The following MECOM variants were observed in gnomAD, a reference collection of about 807,000 sequenced individuals.
MECOM encodes MDS1 and EVI1 complex locus.
MECOM carries 13 observed loss-of-function variants against 116.3 expected under a neutral mutation model. The ratio of observed to expected loss-of-function variants is 0.11; its 90% CI spans 0.07 to 0.18. The LOEUF is 0.18. Ranked by LOEUF, MECOM falls within the 10% of genes least tolerant of loss-of-function variation. The pLI, the probability that MECOM is intolerant of heterozygous loss-of-function variation, is 1.00. For missense variants in MECOM, 1,299 were observed against 1,509.0 expected (o/e 0.86, Z 2.31); for synonymous variants, 528 against 535.2 (o/e 0.99, Z 0.19).
chr3:169,413,611 G>A (rs1425585198), intron 1 of MECOM, among the ~76,000 whole-genome samples: 1 of 151,982 alleles, frequency 6.6e-6, no homozygotes, highest in Non-Finnish European at 1.5e-5. Flanking sequence ...CCAACTCCAT[G>A]GAGCATAGCA....
intron 2 of MECOM, among the ~76,000 whole-genome samples, chr3:169,338,153 G>C (rs1723886605): frequency 6.6e-6 from 1 of 152,106 alleles, no homozygotes; most frequent in Non-Finnish European, 1.5e-5. Flanking sequence ...CTCAGGATCG[G>C]AGGCTCTTAA....
chr3:169,640,953 C>A (rs888801649), intron 1 of MECOM, among the ~76,000 whole-genome samples: 1 of 152,206 alleles, frequency 6.6e-6, no homozygotes, highest in East Asian at 1.9e-4. Context: ...TCAATGCATT[C>A]TCCCACAGAG....
At chr3:169,539,407 T>C (rs1206276541) in intron 1 of MECOM, among the ~76,000 whole-genome samples, 3 of 152,234 alleles carry the variant, frequency 2.0e-5, no homozygotes, top group African/African-American at 4.8e-5. Flanking sequence ...CTCTGCCTTA[T>C]GTTTTAGAGT....
chr3:169,621,214 T>C (rs1038749285), intron 1 of MECOM, among the ~76,000 whole-genome samples: 2 of 152,220 alleles, frequency 1.3e-5, no homozygotes, highest in Admixed American at 1.3e-4. Flanking sequence ...ATTTCACATT[T>C]CTTAACCTCT....
In MECOM at chr3:169,663,702, A is replaced by C; in HGVS notation, c.-330T>G. The C allele has an allele frequency of 2.8e-6, 1 of 353,666 alleles. No individual in the cohort carries two copies. Among genetic ancestry groups the C allele is most frequent in the Non-Finnish European group, 5.1e-6 (1 of 197,474 alleles). The allele number at this position is 353,666 out of a possible 1,614,324, so 21.9% of individuals were successfully genotyped here. On this transcript the variant is annotated 5_prime_UTR_variant, in exon 1 of 17. Coordinates refer to ENST00000651503, the MANE Select transcript of MECOM (RefSeq NM_004991.4). ...GCACATGCGCGCTAGACGCCCCTCC[A>C]ACATCTCAGCGCCGCCAAAAAAAGT...
chr3:169,622,266 A>G (rs1032238568), intron 1 of MECOM, among the ~76,000 whole-genome samples: 2 of 151,850 alleles, frequency 1.3e-5, no homozygotes, highest in Admixed American at 1.3e-4. Flanking sequence ...ATTTTTTTGT[A>G]TTTTTAGTAG....
intron 2 of MECOM, among the ~76,000 whole-genome samples, chr3:169,281,281 C>T (rs1711935398): frequency 6.6e-6 from 1 of 152,166 alleles, no homozygotes; most frequent in African/African-American, 2.4e-5. Context: ...GAGGAAGTAT[C>T]TCTGGGTGTA....
At chr3:169,172,039 G>T (rs1281238374) in intron 2 of MECOM, among the ~76,000 whole-genome samples, 1 of 151,926 alleles carries the variant, frequency 6.6e-6, no homozygotes, top group Non-Finnish European at 1.5e-5. Context: ...AGGCAATACT[G>T]ATGTAGAAAG....
At position 169,476,139 on chromosome 3, in the gene MECOM, A is replaced by G. The variant is rs531241129; in HGVS notation, c.38-94615T>C. ...AAAGGGAAACATATATATAGTATTA[A>G]CTCTGCCAGCCTTCAACCACCACAA... On this transcript the variant is annotated intron_variant, in intron 1 of 16. Coordinates refer to ENST00000651503, the MANE Select transcript of MECOM (RefSeq NM_004991.4). Among the ~76,000 whole-genome samples, 99 of 152,220 alleles carry G rather than the reference A, an allele frequency of 6.5e-4. 1 individual carries two copies. The highest frequency in any genetic ancestry group is 2.3e-3 in the African/African-American group (95 of 41,542).
intron 2 of MECOM, chr3:169,147,017 T>G: frequency 2.0e-6 from 2 of 991,836 alleles, no homozygotes; most frequent in Non-Finnish European, 2.4e-6. Context: ...AGAAATGAAG[T>G]CTTCTTTCGT....
At chr3:169,097,817 T>TATAAAACAAAAAAAAAAAA (rs1553818439) in intron 12 of MECOM, among the ~76,000 whole-genome samples, 1 of 87,194 alleles carries the variant, frequency 1.1e-5, no homozygotes, top group East Asian at 5.0e-4. Context: ...ACTGTCTATA[T>TATAAAACAAAAAAAAAAAA]AAAAAAAAAA....
At chr3:169,371,235 A>G (rs1028998477) in intron 2 of MECOM, among the ~76,000 whole-genome samples, 1 of 152,016 alleles carries the variant, frequency 6.6e-6, no homozygotes, top group Non-Finnish European at 1.5e-5. Flanking sequence ...GGAGGATATT[A>G]TGCTAAGTGA....
chr3:169,547,845 C>T (rs1260110394), intron 1 of MECOM, among the ~76,000 whole-genome samples: 1 of 152,046 alleles, frequency 6.6e-6, no homozygotes, highest in East Asian at 1.9e-4. Context: ...AGGAGTCATG[C>T]AGCCACAAGC....
At chr3:169,476,010 G>A (rs1750319860) in intron 1 of MECOM, among the ~76,000 whole-genome samples, 1 of 152,184 alleles carries the variant, frequency 6.6e-6, no homozygotes, top group Non-Finnish European at 1.5e-5. Context: ...ACTTTTCGCA[G>A]CTTTGTTCTC....
chr3:169,307,714 T>C (rs1033835411), intron 2 of MECOM, among the ~76,000 whole-genome samples: 9 of 152,152 alleles, frequency 5.9e-5, no homozygotes, highest in South Asian at 2.1e-4. Flanking sequence ...ACAAATAGTA[T>C]AAAAAGATAA....
intron 2 of MECOM, among the ~76,000 whole-genome samples, chr3:169,148,112 A>C (rs1740462291): frequency 6.6e-6 from 1 of 152,124 alleles, no homozygotes; most frequent in East Asian, 1.9e-4. Flanking sequence ...TTTTCAAACC[A>C]TATTTTTCTT....
intron 2 of MECOM, among the ~76,000 whole-genome samples, chr3:169,257,034 G>GA (rs1756954252): frequency 6.6e-6 from 1 of 152,202 alleles, no homozygotes; most frequent in African/African-American, 2.4e-5. Flanking sequence ...ATGGATGTAA[G>GA]AAAAACAACT....
intron 2 of MECOM, among the ~76,000 whole-genome samples, chr3:169,259,154 G>A (rs766452935): frequency 6.6e-6 from 1 of 152,106 alleles, no homozygotes; most frequent in African/African-American, 2.4e-5. Flanking sequence ...GGCCAAGGTG[G>A]CCAAGACAGA....
At chr3:169,358,172 C>T (rs1419484221) in intron 2 of MECOM, among the ~76,000 whole-genome samples, 2 of 151,672 alleles carry the variant, frequency 1.3e-5, no homozygotes, top group Non-Finnish European at 3.0e-5. Flanking sequence ...GGCATATTGT[C>T]GTCTTGTAAC....
Sources: allele counts gnomAD v4.1 joint callset (sites outside exome capture counted in the v4.1 genomes callset), GRCh38; gene constraint gnomAD v4.1.1; transcripts MANE v1.5; gene names NCBI Gene and HGNC (gene_info 2026-07-23, HGNC 2026-07-21).